Variants in PLEKHA2 observed in about 807,000 individuals in gnomAD.
The protein encoded by PLEKHA2 is pleckstrin homology domain-containing family A member 2.
In PLEKHA2, 28 loss-of-function variants were observed where a neutral mutation model predicts 53.2. The observed-to-expected ratio is 0.53, with a 90% CI of 0.39 to 0.72. The LOEUF is 0.72. Among genes scored for constraint, PLEKHA2 ranks in the 30% least tolerant of loss-of-function variants. PLEKHA2 has a pLI of 0.00. For synonymous variants in PLEKHA2, 193 were observed against 196.4 expected, an observed-to-expected ratio of 0.98 and a Z score of 0.14; for missense variants, 426 against 537.9, an observed-to-expected ratio of 0.79 and a Z score of 2.06.
chr8:38,962,916 A>G (rs1238380876), intron 10 of PLEKHA2, among the ~76,000 whole-genome samples: 2 of 152,208 alleles, frequency 1.3e-5, no homozygotes, highest in Non-Finnish European at 2.9e-5. Flanking sequence ...TGCAATCTAC[A>G]CAATCGTATG....
intron 1 of PLEKHA2, among the ~76,000 whole-genome samples, chr8:38,911,060 T>C (rs1015206617): frequency 6.6e-6 from 1 of 152,142 alleles, no homozygotes; most frequent in Non-Finnish European, 1.5e-5. Context: ...CTAGGGAAGA[T>C]AGGGTGCTGA....
At chr8:38,938,006 GA>G in intron 3 of PLEKHA2, among the ~76,000 whole-genome samples, 1 of 152,220 alleles carries the variant, frequency 6.6e-6, no homozygotes, top group Non-Finnish European at 1.5e-5. Flanking sequence ...AGACAGAGAT[GA>G]AAGTGATGAT....
At chr8:38,933,927 A>G (rs1313965811) in intron 2 of PLEKHA2, among the ~76,000 whole-genome samples, 2 of 152,072 alleles carry the variant, frequency 1.3e-5, no homozygotes, top group African/African-American at 4.8e-5. Flanking sequence ...TCATTCGCAA[A>G]GGGAAGAACG....
chr8:38,920,224 C>T (rs555437109), intron 2 of PLEKHA2, among the ~76,000 whole-genome samples: 14 of 152,222 alleles, frequency 9.2e-5, no homozygotes, highest in Middle Eastern at 3.4e-3. Context: ...GATCTCGGCT[C>T]GCTGCAAGCT....
chr8:38,943,986 T>C (rs1001881659), intron 4 of PLEKHA2, 149 bp downstream of exon 4: 10 of 542,936 alleles, frequency 1.8e-5, no homozygotes, highest in African/African-American at 1.4e-4. Context: ...TCAAGTGATA[T>C]TGTTTTCCCT....
rs921838788 is a variant in PLEKHA2 at position 38,950,859 on chromosome 8, G to A, written c.355G>A (p.Gly119Ser). 2.6e-5 allele frequency: 42 copies of A among 1,613,474 alleles called. No individual in the cohort carries two copies. The highest frequency in any genetic ancestry group is 3.3e-5 in the Non-Finnish European group (39 of 1,179,636). ...CTGCCGCTCACCCCAGGTTCCCAAAGGTGGGGGCCTACCCATGACCACTGA... is the reference window on the plus strand; with the variant it reads ...CTGCCGCTCACCCCAGGTTCCCAAAAGTGGGGGCCTACCCATGACCACTGA... ...NQASKITVPK[G>S]GGLPMTTEVL... The change falls in exon 6 of 12, where the codon GGT (glycine) becomes AGT (serine). Residue 119 changes from glycine (G) to serine (S), a missense_variant. Transcript: ENST00000617275.
At position 38,922,295 on chromosome 8, in the gene PLEKHA2, G is replaced by GT. The variant is rs1339043582; in HGVS notation, c.141+4231dup. ...GAAGGTAGGGCACTCGTGTGGCTTA[G>GT]TTTTTTATCATAGTGTTTCCAGCAT... On this transcript the variant is annotated intron_variant, in intron 2 of 11. Transcript: ENST00000617275. The surrounding 1 kb of genome is among the most constrained non-coding windows in gnomAD (Gnocchi z 4.0). 5.3e-5 allele frequency among the ~76,000 whole-genome samples: 8 copies of GT among 152,164 alleles called. No individual in the cohort carries two copies. Among genetic ancestry groups the GT allele is most frequent in the Non-Finnish European group, 1.5e-5 (1 of 68,026 alleles).
chr8:38,969,874 CAG>C lies in PLEKHA2; in HGVS notation c.*94_*95del. The C allele has an allele frequency of 6.6e-7, 1 of 1,506,920 alleles. No homozygotes were observed. The highest frequency in any genetic ancestry group is 8.8e-7 in the Non-Finnish European group (1 of 1,130,526). The allele number at this position is 1,506,920 out of a possible 1,614,324, so 93.3% of individuals were successfully genotyped here. Reference sequence around the variant, plus strand: ...TTTCTCTACCTTGTTGGAGGGTAGTCAGAGGCCTTTATGTCACTCATATTCCT... The same window carrying C: ...TTTCTCTACCTTGTTGGAGGGTAGTCAGGCCTTTATGTCACTCATATTCCT... On this transcript the variant is annotated 3_prime_UTR_variant, in exon 12 of 12. Transcript: ENST00000617275.
rs765513006 is a variant in PLEKHA2 at position 38,917,895 on chromosome 8, T to A, written c.-23-12T>A. On this transcript the variant is annotated splice_polypyrimidine_tract_variant and intron_variant, in intron 1 of 11. Transcript: ENST00000617275. ...ATCTTCCTTCTCATCAGCACCTCCCTCCTGCGCGCAGGGTGATGTGAGCAG... is the reference window on the plus strand; with the variant it reads ...ATCTTCCTTCTCATCAGCACCTCCCACCTGCGCGCAGGGTGATGTGAGCAG... 3.1e-6 allele frequency: 5 copies of A among 1,608,366 alleles called. No homozygotes were observed. Among genetic ancestry groups the A allele is most frequent in the Non-Finnish European group, 4.3e-6 (5 of 1,175,800 alleles).
At chr8:38,904,173 A>G (rs1277622430) in intron 1 of PLEKHA2, among the ~76,000 whole-genome samples, 1 of 152,174 alleles carries the variant, frequency 6.6e-6, no homozygotes, top group African/African-American at 2.4e-5. Context: ...GGGTTGGTGT[A>G]GTGAGACCCT....
At chr8:38,920,561 C>T (rs557966539) in intron 2 of PLEKHA2, among the ~76,000 whole-genome samples, 30 of 150,444 alleles carry the variant, frequency 2.0e-4, no homozygotes, top group African/African-American at 4.9e-4. Flanking sequence ...AGGCATGAGC[C>T]GTTGCACCTG....
rs537449090 is a variant in PLEKHA2, at chr8:38,934,154, G to C, written c.142-1840G>C. Among the ~76,000 whole-genome samples the C allele has an allele frequency of 5.0e-4, 76 of 151,530 alleles. 1 individual carries two copies. Among genetic ancestry groups the C allele is most frequent in the South Asian group, 1.2e-3 (6 of 4,818 alleles). On this transcript the variant is annotated intron_variant, in intron 2 of 11. Transcript: ENST00000617275. ...AGAAGAGGTAGAAGAAGAAGAAGAA[G>C]AAAATATATATATATATAATGTTTT...
At chr8:38,933,923 G>T (rs60499719) in intron 2 of PLEKHA2, among the ~76,000 whole-genome samples, 1 of 151,880 alleles carries the variant, frequency 6.6e-6, no homozygotes, top group Admixed American at 6.6e-5. Context: ...TGCCTCATTC[G>T]CAAAGGGAAG....
chr8:38,930,611 T>A (rs1834373954), intron 2 of PLEKHA2, among the ~76,000 whole-genome samples: 1 of 152,134 alleles, frequency 6.6e-6, no homozygotes, highest in African/African-American at 2.4e-5. Flanking sequence ...AGACTTCCTC[T>A]CGTGGGATCG....
chr8:38,906,119 G>A (rs768060449), intron 1 of PLEKHA2, among the ~76,000 whole-genome samples: 4 of 152,246 alleles, frequency 2.6e-5, no homozygotes, highest in Non-Finnish European at 4.4e-5. Context: ...TAGTGAAACC[G>A]AATTCATTGT....
At chr8:38,940,368 C>T (rs1834582455) in intron 3 of PLEKHA2, among the ~76,000 whole-genome samples, 1 of 152,094 alleles carries the variant, frequency 6.6e-6, no homozygotes, top group Non-Finnish European at 1.5e-5. Flanking sequence ...CATTGCACTC[C>T]AGCCTGGGTG....
chr8:38,936,122 C>G (rs1834490724), intron 3 of PLEKHA2, 72 bp downstream of exon 3: 3 of 1,499,608 alleles, frequency 2.0e-6, no homozygotes, highest in Non-Finnish European at 2.8e-6. Flanking sequence ...GGGGAAGTGT[C>G]CAGTCCTTTG....
At chr8:38,958,996 T>C (rs1398268190) in intron 10 of PLEKHA2, among the ~76,000 whole-genome samples, 2 of 152,062 alleles carry the variant, frequency 1.3e-5, no homozygotes, top group African/African-American at 4.8e-5. Context: ...GATGAAGAAC[T>C]TGACAGCACA....
chr8:38,911,044 G>C (rs1833946245), intron 1 of PLEKHA2, among the ~76,000 whole-genome samples: 1 of 152,166 alleles, frequency 6.6e-6, no homozygotes, highest in East Asian at 1.9e-4. Context: ...CACGAGGGAG[G>C]TTTGGCTAGG....
Sources: gnomAD v4.1 joint callset for allele counts (sites outside exome capture counted in the v4.1 genomes callset) on GRCh38, gnomAD v4.1.1 for gene constraint, Gnocchi (gnomAD v3.1) non-coding constraint, MANE v1.5 for transcripts, NCBI Gene and HGNC (gene_info 2026-07-23, HGNC 2026-07-21) for gene names.